The following CSMD1 variants were observed in gnomAD, a reference collection of about 807,000 sequenced individuals.
CSMD1 encodes the protein CUB and sushi domain-containing protein 1.
Under a neutral mutation model 417.5 loss-of-function variants are expected in CSMD1, and 213 were observed. The ratio of observed to expected loss-of-function variants is 0.51; its 90% CI spans 0.46 to 0.57. The LOEUF is 0.57. CSMD1 is among the 20% of genes least tolerant of loss of function. The pLI is 0.00. For synonymous variants in CSMD1, 2,862 were observed against 1,736.8 expected (o/e 1.65, Z -16.11); for missense variants, 6,923 against 4,529.7 (o/e 1.53, Z -15.17).
At chr8:3,332,426 G>C (rs949511770) in intron 23 of CSMD1, among the ~76,000 whole-genome samples, 1 of 152,224 alleles carries the variant, frequency 6.6e-6, no homozygotes, top group Non-Finnish European at 1.5e-5. Context: ...GAAGAGGAGA[G>C]GAGGGGCCTG....
intron 3 of CSMD1, among the ~76,000 whole-genome samples, chr8:4,198,563 C>T (rs983792866): frequency 2.0e-5 from 3 of 152,054 alleles, no homozygotes; most frequent in African/African-American, 7.2e-5. Flanking sequence ...CTTTCAGGAA[C>T]GTGCACAAGG....
intron 3 of CSMD1, among the ~76,000 whole-genome samples, chr8:4,089,536 T>C (rs10095133): frequency 0.31 from 46,708 of 152,058 alleles, 8,749 homozygotes; most frequent in African/African-American, 0.53. Flanking sequence ...AGCATTCTGA[T>C]TTAACACAAT....
chr8:3,343,960 C>T (rs13281057), intron 22 of CSMD1, among the ~76,000 whole-genome samples: 18 of 152,160 alleles, frequency 1.2e-4, no homozygotes, highest in Middle Eastern at 3.4e-3. Context: ...TGCAAGCCTC[C>T]GGTGGCTTTC....
At chr8:3,884,817 G>T (rs1441673221) in intron 5 of CSMD1, among the ~76,000 whole-genome samples, 1 of 151,754 alleles carries the variant, frequency 6.6e-6, no homozygotes, top group African/African-American at 2.4e-5. Context: ...TACGCAAGGA[G>T]AATCTCTACT....
intron 2 of CSMD1, among the ~76,000 whole-genome samples, chr8:4,528,675 C>T (rs1303213649): frequency 6.6e-6 from 1 of 152,070 alleles, no homozygotes; most frequent in Non-Finnish European, 1.5e-5. Context: ...GGTGTACACC[C>T]CACAAACTCT....
At chr8:3,211,815 T>A (rs1304492240) in intron 30 of CSMD1, among the ~76,000 whole-genome samples, 1 of 152,218 alleles carries the variant, frequency 6.6e-6, no homozygotes, top group African/African-American at 2.4e-5. Context: ...CACAGGCAGC[T>A]CCTGGCCAAC....
chr8:3,678,029 C>A (rs779696439), intron 7 of CSMD1, among the ~76,000 whole-genome samples: 1 of 152,020 alleles, frequency 6.6e-6, no homozygotes, highest in Non-Finnish European at 1.5e-5. Flanking sequence ...AGCGTTCTGT[C>A]AATATTTAAA....
intron 7 of CSMD1, among the ~76,000 whole-genome samples, chr8:3,626,629 A>C (rs1005989937): frequency 6.6e-6 from 1 of 151,602 alleles, no homozygotes; most frequent in African/African-American, 2.4e-5. Context: ...GTCCCCACAG[A>C]AAGTTTCTTT....
intron 3 of CSMD1, among the ~76,000 whole-genome samples, chr8:4,133,102 A>G (rs893926200): frequency 9.2e-5 from 14 of 151,796 alleles, no homozygotes; most frequent in Admixed American, 8.5e-4. Flanking sequence ...TGCCCGGATA[A>G]TTTTTCTGTA....
intron 26 of CSMD1, among the ~76,000 whole-genome samples, chr8:3,251,133 T>A (rs1185271462): frequency 6.6e-6 from 1 of 152,162 alleles, no homozygotes; most frequent in African/African-American, 2.4e-5. Flanking sequence ...CATGAAGTCC[T>A]TGCCCGTGCC....
intron 3 of CSMD1, among the ~76,000 whole-genome samples, chr8:4,210,043 A>C (rs961273249): frequency 6.6e-6 from 1 of 152,138 alleles, no homozygotes; most frequent in Non-Finnish European, 1.5e-5. Flanking sequence ...TCCAGTGTCT[A>C]AGCCCTGCTT....
At chr8:4,970,560 T>C (rs1483389463) in intron 1 of CSMD1, among the ~76,000 whole-genome samples, 1 of 152,008 alleles carries the variant, frequency 6.6e-6, no homozygotes, top group Non-Finnish European at 1.5e-5. Flanking sequence ...ACAGGTGGTA[T>C]GAACAATACT....
intron 3 of CSMD1, among the ~76,000 whole-genome samples, chr8:4,355,838 G>A (rs997701663): frequency 2.0e-5 from 3 of 152,216 alleles, no homozygotes; most frequent in South Asian, 2.1e-4. Flanking sequence ...ATTCCAGGCC[G>A]AAAGTAGAGG....
At chr8:4,578,328 G>A (rs1474790099) in intron 2 of CSMD1, among the ~76,000 whole-genome samples, 1 of 87,196 alleles carries the variant, frequency 1.1e-5, no homozygotes. Flanking sequence ...ACGACACCCG[G>A]CTCATTTTTT....
At chr8:4,328,530 T>A (rs1799687446) in intron 3 of CSMD1, among the ~76,000 whole-genome samples, 1 of 152,084 alleles carries the variant, frequency 6.6e-6, no homozygotes, top group South Asian at 2.1e-4. Flanking sequence ...AAGCATCTCC[T>A]GTACTCTATA....
intron 5 of CSMD1, among the ~76,000 whole-genome samples, chr8:3,918,815 G>T (rs1038462662): frequency 4.6e-5 from 7 of 152,056 alleles, no homozygotes; most frequent in African/African-American, 1.7e-4. Context: ...TCATAAATGG[G>T]AGCCAAACTA....
chr8:3,365,505 C>T (rs1809500405), intron 20 of CSMD1, among the ~76,000 whole-genome samples: 1 of 152,142 alleles, frequency 6.6e-6, no homozygotes, highest in Admixed American at 6.5e-5. Context: ...TACTTGAATC[C>T]ATTTATACAT....
In CSMD1 at chr8:3,041,686, A is replaced by G. The variant is rs138717635; in HGVS notation, c.7660+10776T>C. ...AATATTCCCATCTTTACTCAAGTAT[A>G]CATTTAGAACTGTTAAATGAAAGAT... On this transcript the variant is annotated intron_variant, in intron 50 of 69. Transcript: ENST00000635120. Among the ~76,000 whole-genome samples, 337 of 152,360 alleles carry G rather than the reference A, an allele frequency of 2.2e-3. 3 individuals carry two copies. Among genetic ancestry groups the G allele is most frequent in the Admixed American group, 3.9e-3 (60 of 15,306 alleles).
At position 3,343,290 on chromosome 8, in the gene CSMD1, T is replaced by G; in HGVS notation, c.3631+4A>C. 6.2e-7 allele frequency: 1 copy of G among 1,612,118 alleles called. No homozygotes were observed. The highest frequency in any genetic ancestry group is 8.5e-7 in the Non-Finnish European group (1 of 1,178,360). On this transcript the variant is annotated splice_donor_region_variant and intron_variant, in intron 23 of 69. Coordinates refer to ENST00000635120, the MANE Select transcript of CSMD1 (RefSeq NM_033225.6). The stretch of plus-strand genomic sequence containing the variant: ...AGAACGTGATTAAGTCGTATGTTAC[T>G]TACTGGTATAGGTGAGTTGAAAACC...
Sources: gnomAD v4.1 joint callset for allele counts (sites outside exome capture counted in the v4.1 genomes callset) on GRCh38, gnomAD v4.1.1 for gene constraint, MANE v1.5 for transcripts, NCBI Gene and HGNC (gene_info 2026-07-23, HGNC 2026-07-21) for gene names.